The following PLCH2 variants were observed in gnomAD, a reference collection of about 807,000 sequenced individuals.
The protein encoded by PLCH2 is 1-phosphatidylinositol 4,5-bisphosphate phosphodiesterase eta-2.
A neutral mutation model predicts 134.7 loss-of-function variants in PLCH2; 98 were observed. The ratio of observed to expected loss-of-function variants is 0.73; its 90% CI spans 0.62 to 0.86. The LOEUF is 0.86. Among genes scored for constraint, PLCH2 ranks in the 40% least tolerant of loss-of-function variants. The pLI, the probability that PLCH2 is intolerant of heterozygous loss-of-function variation, is 0.00. For synonymous variants in PLCH2, 974 were observed against 827.5 expected, an observed-to-expected ratio of 1.18 and a Z score of -3.04; for missense variants, 1,994 against 1,986.6, an observed-to-expected ratio of 1.00 and a Z score of -0.07.
chr1:2,440,288 T>G (rs1403036555), intron 2 of PLCH2, among the ~76,000 whole-genome samples: 2 of 151,882 alleles, frequency 1.3e-5, no homozygotes, highest in African/African-American at 4.8e-5. Flanking sequence ...CTGGGGAGGA[T>G]CTCGGGTGGG....
intron 2 of PLCH2, among the ~76,000 whole-genome samples, chr1:2,457,665 G>A (rs1194110680): frequency 2.0e-5 from 3 of 152,000 alleles, no homozygotes; most frequent in South Asian, 2.1e-4. Flanking sequence ...TGAAGGAAGC[G>A]GTTTCCTCAG....
intron 2 of PLCH2, among the ~76,000 whole-genome samples, chr1:2,434,219 C>T (rs997561464): frequency 6.6e-6 from 1 of 152,190 alleles, no homozygotes; most frequent in Non-Finnish European, 1.5e-5. Flanking sequence ...GCGGGGGCCG[C>T]GCCTGGGCAG....
At chr1:2,419,122 C>A in the PLCH2 span, among the ~76,000 whole-genome samples, 1 of 152,244 alleles carries the variant, frequency 6.6e-6, no homozygotes, top group Non-Finnish European at 1.5e-5. Context: ...TGCCCAGCTC[C>A]TTGCCCTTCC....
chr1:2,502,481 G>A (rs931472724), intron 21 of PLCH2, 72 bp downstream of exon 21: 4 of 1,420,104 alleles, frequency 2.8e-6, no homozygotes, highest in African/African-American at 1.4e-5. Context: ...GGACGGCCCC[G>A]GGCCTGCTGG....
At chr1:2,491,546 G>A (rs192143769) in intron 11 of PLCH2, among the ~76,000 whole-genome samples, 111 of 152,340 alleles carry the variant, frequency 7.3e-4, no homozygotes, top group Non-Finnish European at 1.3e-3. Context: ...CCAGCCAGTC[G>A]TTGAGAGCTG....
rs201692626 is a variant in PLCH2 at position 2,504,117 on chromosome 1, G to A, written c.3155G>A (p.Arg1052Gln). The change falls in exon 22 of 22, where the codon CGA becomes CAA. Residue 1052 changes from arginine (R) to glutamine (Q), a missense_variant. This residue lies in a region of PLCH2 where 900 missense variants were observed against 752.3 expected (regional missense o/e 1.20). Transcript: ENST00000378486. ...ASPLEDTEEP[R>Q]DSRPRPCNGE... Reference sequence around the variant, plus strand: ...CCCCTAGAGGACACTGAGGAGCCCCGAGACAGCAGGCCTCGGCCGTGCAAC... The same window carrying A: ...CCCCTAGAGGACACTGAGGAGCCCCAAGACAGCAGGCCTCGGCCGTGCAAC... 845 of 1,523,890 alleles carry A rather than the reference G, an allele frequency of 5.5e-4. 6 individuals carry two copies. Among genetic ancestry groups the A allele is most frequent in the Non-Finnish European group, 1.8e-4 (200 of 1,136,102 alleles). The allele number at this position is 1,523,890 out of a possible 1,614,324, so 94.4% of individuals were successfully genotyped here. A position where few individuals can be genotyped will look rare whatever the true frequency, so the allele number is the denominator to read the frequency against.
rs1641843246 is a variant in PLCH2, at chr1:2,479,676, C to G, written c.272-58C>G. On this transcript the variant is annotated intron_variant, in intron 2 of 21. Coordinates refer to ENST00000378486, the MANE Select transcript of PLCH2 (RefSeq NM_014638.4). ...TTGGTCTCCGCAGTGTTGGGGCTGC[C>G]AGCAGGGGGACGCTGGGCCCCCGGG... The G allele has an allele frequency of 3.3e-6, 5 of 1,493,660 alleles. No individual in the cohort carries two copies. The Admixed American group carries it at 1.0e-4, about 31-fold the overall frequency. 92.5% of individuals were successfully genotyped at this position (1,493,660 alleles called of 1,614,324 possible). A position where few individuals can be genotyped will look rare whatever the true frequency, so the allele number is the denominator to read the frequency against.
chr1:2,502,034 G>A (rs1643252897), intron 20 of PLCH2, 78 bp from the exon 21 acceptor site: 4 of 1,297,496 alleles, frequency 3.1e-6, no homozygotes, highest in Non-Finnish European at 4.1e-6. Flanking sequence ...GGCACGGTCT[G>A]GAGAGCTGGC....
intron 1 of PLCH2, 23 bp from the exon 2 acceptor site, chr1:2,478,453 A>G (rs12727342): frequency 0.64 from 1,030,118 of 1,609,534 alleles, 331,730 homozygotes; most frequent in East Asian, 0.83. Flanking sequence ...CTCCGCTGAC[A>G]GCCGTGTCTC....
chr1:2,426,282 G>A (rs1638793578), intron 1 of PLCH2, among the ~76,000 whole-genome samples: 2 of 152,214 alleles, frequency 1.3e-5, no homozygotes, highest in Admixed American at 1.3e-4. Flanking sequence ...GGGTTATGTG[G>A]GCCACACTCT....
At chr1:2,438,883 A>G (rs1639558630) in intron 2 of PLCH2, among the ~76,000 whole-genome samples, 1 of 151,962 alleles carries the variant, frequency 6.6e-6, no homozygotes, top group Admixed American at 6.6e-5. Context: ...TGCAGGGGGG[A>G]ACCGGGGCAA....
At chr1:2,482,387 G>A (rs1349775715) in intron 4 of PLCH2, among the ~76,000 whole-genome samples, 1 of 152,230 alleles carries the variant, frequency 6.6e-6, no homozygotes, top group Non-Finnish European at 1.5e-5. Context: ...GAGCTGCAGT[G>A]TGTCCCCTCA....
chr1:2,483,293 A>G (rs1408564544), intron 4 of PLCH2, among the ~76,000 whole-genome samples: 1 of 152,108 alleles, frequency 6.6e-6, no homozygotes, highest in Non-Finnish European at 1.5e-5. Context: ...ATATCTGATC[A>G]GCCCGTCCCA....
rs1002553059 is a variant in PLCH2, at chr1:2,505,183, T to C, written c.4221T>C (p.Ala1407=). ...GAGCCCTCGGGCCAGCATCCGCGGC[T>C]GCTGAAAACCTGGTCCTGCTCCGCC... ...SKGALGPASA[A]AENLVLLRL is the part of the protein sequence containing the mutation. Residue 1407 remains alanine (A), a synonymous_variant, in exon 22 of 22, where the codon GCT becomes GCC. Coordinates refer to ENST00000378486, the MANE Select transcript of PLCH2 (RefSeq NM_014638.4). 2.5e-6 allele frequency: 4 copies of C among 1,572,550 alleles called. No homozygotes were observed. The highest frequency in any genetic ancestry group is 3.4e-6 in the Non-Finnish European group (4 of 1,169,266).
chr1:2,494,978 G>A lies in PLCH2; in HGVS notation c.1752+30G>A, dbSNP rs368064292. ...GGCGCAGCTCCCAGGCCAGGGTCCC[G>A]GTCTGGGCCCAGTGTCCTCCCTGCT... On this transcript the variant is annotated intron_variant, in intron 12 of 21. Transcript: ENST00000378486. 7.4e-5 allele frequency: 111 copies of A among 1,491,794 alleles called. 2 individuals are homozygous for A. The highest frequency in any genetic ancestry group is 9.5e-5 in the Admixed American group (5 of 52,864). 92.4% of individuals were successfully genotyped at this position (1,491,794 alleles called of 1,614,324 possible). A position where few individuals can be genotyped will look rare whatever the true frequency, so the allele number is the denominator to read the frequency against.
intron 4 of PLCH2, among the ~76,000 whole-genome samples, chr1:2,483,581 C>A (rs1441353713): frequency 1.3e-5 from 2 of 152,128 alleles, no homozygotes; most frequent in Non-Finnish European, 2.9e-5. Context: ...CCCTGCCCTG[C>A]CCAGCCCTGG....
chr1:2,494,873 C>T lies in PLCH2; in HGVS notation c.1677C>T (p.Asp559=), dbSNP rs773430055. The T allele has an allele frequency of 1.9e-5, 31 of 1,605,826 alleles. No homozygotes were observed. The African/African-American group carries it at 2.1e-4, about 11-fold the overall frequency. Residue 559 remains aspartate, a synonymous_variant, in exon 12 of 22, where the codon GAC becomes GAT. Coordinates refer to ENST00000378486, the MANE Select transcript of PLCH2 (RefSeq NM_014638.4). ...KLGRKSKAEE[D]VESGEDAGAS... Reference sequence around the variant, plus strand: ...GGACTCAGAGCAAGGCTGAAGAGGACGTGGAGTCTGGGGAGGATGCCGGGG... The same window carrying T: ...GGACTCAGAGCAAGGCTGAAGAGGATGTGGAGTCTGGGGAGGATGCCGGGG...
At chr1:2,471,665 C>T (rs573586606), upstream of PLCH2, among the ~76,000 whole-genome samples, 9 of 152,340 alleles carry the variant, frequency 5.9e-5, no homozygotes, top group African/African-American at 1.2e-4. Context: ...GCTCTGGGGC[C>T]GGTGGAAGGT....
At chr1:2,418,095 C>T in the PLCH2 span, among the ~76,000 whole-genome samples, 17 of 152,202 alleles carry the variant, frequency 1.1e-4, no homozygotes, top group South Asian at 1.0e-3. Flanking sequence ...GTGGAGTCAG[C>T]GCAGTGAAGA....
Sources: gnomAD v4.1 joint callset for allele counts (sites outside exome capture counted in the v4.1 genomes callset) on GRCh38, gnomAD v4.1.1 for gene constraint, gnomAD v4.1.1 regional missense constraint, MANE v1.5 for transcripts, NCBI Gene and HGNC (gene_info 2026-07-23, HGNC 2026-07-21) for gene names.